The following MCF2L variants were observed in gnomAD, a reference collection of about 807,000 sequenced individuals.
MCF2L encodes the protein MCF.2 cell line derived transforming sequence like.
MCF2L carries 97 observed loss-of-function variants against 153.4 expected under a neutral mutation model. The observed-to-expected ratio is 0.63, with a 90% CI of 0.54 to 0.75. The LOEUF (loss-of-function observed/expected upper bound fraction) is 0.75, where lower values mean the gene tolerates loss of function less well. Ranked by LOEUF, MCF2L falls within the 30% of genes least tolerant of loss-of-function variation. The pLI is 0.00. For synonymous variants in MCF2L, 659 were observed against 632.2 expected (o/e 1.04, Z -0.64); for missense variants, 1,347 against 1,495.2 (o/e 0.90, Z 1.64).
intron 5 of MCF2L, chr13:113,063,901 C>G (rs1004629418): frequency 2.2e-6 from 1 of 449,626 alleles, no homozygotes; most frequent in African/African-American, 2.0e-5. Flanking sequence ...TTCTGTGAAA[C>G]CCATTTTGAC....
intron 21 of MCF2L, 101 bp downstream of exon 21, chr13:113,086,350 A>T (rs2034636344): frequency 3.3e-6 from 5 of 1,523,182 alleles, no homozygotes; most frequent in South Asian, 2.4e-5. Flanking sequence ...TTTGGTGTGA[A>T]TGTGCAGGTT....
intron 2 of MCF2L, among the ~76,000 whole-genome samples, chr13:112,948,520 A>G (rs2140700548): frequency 6.6e-6 from 1 of 152,382 alleles, no homozygotes; most frequent in African/African-American, 2.4e-5. Flanking sequence ...GACACAATTC[A>G]GTCAAGTTTT....
In MCF2L at chr13:113,089,665, C is replaced by A; in HGVS notation, c.2890C>A (p.Pro964Thr). Residue 964 changes from proline (P) to threonine (T), a missense_variant, in exon 26 of 30, where the codon CCC becomes ACC. Coordinates refer to ENST00000535094, the MANE Select transcript of MCF2L (RefSeq NM_001112732.3). The stretch of plus-strand genomic sequence containing the variant: ...GAAGCTGGAAGAAAGGAAAACAGAC[C>A]CCCTAAGCCTGGAGGGATACGTCAG... ...IKKLEERKTD[P>T]LSLEGYVSSA... is the part of the protein sequence containing the mutation. 6.2e-7 allele frequency: 1 copy of A among 1,613,928 alleles called. No homozygotes were observed. The highest frequency in any genetic ancestry group is 8.5e-7 in the Non-Finnish European group (1 of 1,179,994).
At chr13:113,085,242 C>T (rs2034519100) in intron 20 of MCF2L, 64 bp downstream of exon 20, 1 of 1,494,696 alleles carries the variant, frequency 6.7e-7, no homozygotes. Context: ...TCTGTGCCGC[C>T]CTGGGGCCCC....
chr13:112,945,127 T>C (rs548949073), intron 2 of MCF2L, among the ~76,000 whole-genome samples: 62 of 151,948 alleles, frequency 4.1e-4, no homozygotes, highest in Non-Finnish European at 6.2e-4. Context: ...ATATCTACCA[T>C]TGCAGTGTCA....
Position 113,024,970 on chromosome 13 carries a change from T to C in MCF2L, c.278+212T>C, listed in dbSNP as rs867332436. ...TGACTGTGGGTCAGGGCAGAGTCTC[T>C]GTGAGGTTTCATCATGGTGGGGTCC... On this transcript the variant is annotated intron_variant, in intron 3 of 29. Transcript: ENST00000535094. 2.8e-3 allele frequency: 1,253 copies of C among 453,192 alleles called. 11 individuals are homozygous for C. The highest frequency in any genetic ancestry group is 0.025 in the African/African-American group (1,077 of 42,280). 28.1% of individuals were successfully genotyped at this position (453,192 alleles called of 1,614,324 possible).
chr13:112,894,609 G>A (rs959484864), intron 1 of MCF2L, among the ~76,000 whole-genome samples: 24 of 152,030 alleles, frequency 1.6e-4, no homozygotes, highest in Admixed American at 3.3e-4. Flanking sequence ...GCCTGGGATC[G>A]GCCCCCGCGG....
chr13:113,081,854 C>A (rs61966407), intron 16 of MCF2L, among the ~76,000 whole-genome samples: 1 of 151,636 alleles, frequency 6.6e-6, no homozygotes, highest in Non-Finnish European at 1.5e-5. Flanking sequence ...CAAGTGTAGA[C>A]GGGTGTCTGA....
At chr13:113,048,767 T>C (rs2087004023) in intron 4 of MCF2L, among the ~76,000 whole-genome samples, 1 of 152,196 alleles carries the variant, frequency 6.6e-6, no homozygotes, top group South Asian at 2.1e-4. Context: ...ACACAGACTC[T>C]GTGTAGTTAG....
At chr13:112,985,280 A>G in intron 1 of MCF2L, 1 of 403,304 alleles carries the variant, frequency 2.5e-6, no homozygotes, top group East Asian at 7.3e-5. Context: ...TCCCTCATGC[A>G]GATTTTAGGG....
intron 9 of MCF2L, among the ~76,000 whole-genome samples, chr13:113,073,029 CTT>C (rs56397038): frequency 0.33 from 44,856 of 137,720 alleles, 7,185 homozygotes; most frequent in Middle Eastern, 0.45. Flanking sequence ...TTTACTCCAG[CTT>C]TTTTTTTTTT....
At chr13:112,989,351 C>G (rs56234838) in intron 1 of MCF2L, among the ~76,000 whole-genome samples, 4 of 111,604 alleles carry the variant, frequency 3.6e-5, no homozygotes, top group South Asian at 6.5e-4. Context: ...CTGAGCAGGA[C>G]ATGGAGCTAC....
intron 2 of MCF2L, chr13:112,956,543 C>G (rs2081759625): frequency 6.6e-6 from 1 of 152,274 alleles, no homozygotes; most frequent in South Asian, 2.1e-4. Context: ...CTGGAAGCGT[C>G]TGGCCCACGG....
chr13:112,917,534 G>C (rs940234549), intron 2 of MCF2L: 1 of 249,404 alleles, frequency 4.0e-6, no homozygotes, highest in African/African-American at 2.2e-5. Context: ...GGTGAGTGCG[G>C]GCCCTTCTCT....
chr13:112,897,564 C>T (rs2081079974), intron 1 of MCF2L, among the ~76,000 whole-genome samples: 1 of 152,234 alleles, frequency 6.6e-6, no homozygotes, highest in Non-Finnish European at 1.5e-5. Context: ...TGTTGGGGGC[C>T]ATGCAGCCCC....
At chr13:112,947,001 G>T (rs1363282872) in intron 2 of MCF2L, among the ~76,000 whole-genome samples, 1 of 152,188 alleles carries the variant, frequency 6.6e-6, no homozygotes, top group East Asian at 1.9e-4. Context: ...CGCAGGGCTT[G>T]TCTACTGTGG....
Position 113,064,320 on chromosome 13 carries a change from C to T in MCF2L, c.506C>T (p.Ser169Phe), listed in dbSNP as rs762623744. 7 of 1,612,846 alleles carry T rather than the reference C, an allele frequency of 4.3e-6. No individual in the cohort carries two copies. The highest frequency in any genetic ancestry group is 5.9e-6 in the Non-Finnish European group (7 of 1,179,766). Residue 169 changes from serine (S) to phenylalanine (F), a missense_variant, in exon 6 of 30, where the codon TCC (serine) becomes TTC (phenylalanine). By Grantham distance (155) the Ser-to-Phe change is radical (BLOSUM62 -2). Transcript: ENST00000535094. This position sits in a 1 kb window ranked among gnomAD's most constrained non-coding sequence, Gnocchi z 6.0. ...CTCCTCCAGGTCATAATGCTGAGCTCCGTACCAGACTTACACGGTTACATC... is the reference window on the plus strand; with the variant it reads ...CTCCTCCAGGTCATAATGCTGAGCTTCGTACCAGACTTACACGGTTACATC... ...KMKVPVIMLS[S>F]VPDLHGYIDK...
rs1377772817 is a variant in MCF2L at position 113,098,270 on chromosome 13, A to AATAGGAAGCATGCAGAG, written c.*1413_*1429dup. 3 of 152,618 alleles carry AATAGGAAGCATGCAGAG rather than the reference A, an allele frequency of 2.0e-5. No individual in the cohort carries two copies. The highest frequency in any genetic ancestry group is 4.8e-5 in the African/African-American group (2 of 41,460). The allele number at this position is 152,618 out of a possible 1,614,324, so 9.5% of individuals were successfully genotyped here. A position where few individuals can be genotyped will look rare whatever the true frequency, so the allele number is the denominator to read the frequency against. On this transcript the variant is annotated 3_prime_UTR_variant, in exon 30 of 30. Coordinates refer to ENST00000535094, the MANE Select transcript of MCF2L (RefSeq NM_001112732.3). ...GCCAGACCTCCAGGGTGCGGAATCAAATAGGAAGCATGCAGAGACTCGGCA... is the reference window on the plus strand; with the variant it reads ...GCCAGACCTCCAGGGTGCGGAATCAAATAGGAAGCATGCAGAGATAGGAAGCATGCAGAGACTCGGCA...
Position 113,027,077 on chromosome 13 carries a change from CT to C in MCF2L, c.278+2320del, listed in dbSNP as rs1471586497. ...ACAGAAATATCCTTAAATATGGCAT[CT>C]GTATCCCGCACATTACATAAGGTGG... On this transcript the variant is annotated intron_variant, in intron 3 of 29. Coordinates refer to ENST00000535094, the MANE Select transcript of MCF2L (RefSeq NM_001112732.3). This position sits in a 1 kb window ranked among gnomAD's most constrained non-coding sequence, Gnocchi z 4.8. 6 of 759,518 alleles carry C rather than the reference CT, an allele frequency of 7.9e-6. No individual in the cohort carries two copies. The highest frequency in any genetic ancestry group is 1.5e-5 in the Non-Finnish European group (6 of 412,160). 47.0% of individuals were successfully genotyped at this position (759,518 alleles called of 1,614,324 possible).
Sources: allele counts gnomAD v4.1 joint callset (sites outside exome capture counted in the v4.1 genomes callset), GRCh38; gene constraint gnomAD v4.1.1; non-coding constraint Gnocchi (gnomAD v3.1); transcripts MANE v1.5; gene names NCBI Gene and HGNC (gene_info 2026-07-23, HGNC 2026-07-21).